The following ZMIZ1 variants were observed in gnomAD, a reference collection of about 807,000 sequenced individuals.
ZMIZ1 encodes the protein zinc finger MIZ-type containing 1.
A neutral mutation model predicts 113.9 loss-of-function variants in ZMIZ1; 17 were observed. That is an observed-to-expected ratio of 0.15 (90% CI 0.10 to 0.22). The LOEUF (loss-of-function observed/expected upper bound fraction) is 0.22, where lower values mean the gene tolerates loss of function less well. Ranked by LOEUF, ZMIZ1 falls within the 10% of genes least tolerant of loss-of-function variation. ZMIZ1 has a pLI of 1.00. For missense variants in ZMIZ1, 1,059 were observed against 1,477.8 expected, an observed-to-expected ratio of 0.72 and a Z score of 4.65; for synonymous variants, 607 against 603.1, an observed-to-expected ratio of 1.01 and a Z score of -0.09.
chr10:79,103,725 G>T (rs1843450269), intron 1 of ZMIZ1, among the ~76,000 whole-genome samples: 2 of 152,234 alleles, frequency 1.3e-5, no homozygotes, highest in Admixed American at 1.3e-4. Flanking sequence ...CCTCCCTGGG[G>T]CTCTTTGCCA....
At chr10:79,169,316 C>T (rs982246646) in intron 4 of ZMIZ1, among the ~76,000 whole-genome samples, 8 of 152,362 alleles carry the variant, frequency 5.3e-5, no homozygotes, top group African/African-American at 1.9e-4. Flanking sequence ...GCCTCTGCCC[C>T]CAGCAATTCC....
chr10:79,310,847 G>T, intron 23 of ZMIZ1, 77 bp from the exon 24 acceptor site: 2 of 1,491,610 alleles, frequency 1.3e-6, no homozygotes, highest in Middle Eastern at 1.8e-4. Flanking sequence ...GTTGTGTTGG[G>T]TTTCATTTTC....
chr10:79,072,017 A>G (rs1318135479), intron 1 of ZMIZ1, among the ~76,000 whole-genome samples: 1 of 152,120 alleles, frequency 6.6e-6, no homozygotes, highest in Non-Finnish European at 1.5e-5. Context: ...GAGTGGATTC[A>G]AGAGGTGGAT....
chr10:79,076,183 A>G (rs1205821285), intron 1 of ZMIZ1, among the ~76,000 whole-genome samples: 1 of 152,190 alleles, frequency 6.6e-6, no homozygotes, highest in Non-Finnish European at 1.5e-5. Context: ...ACTTGGTCTC[A>G]TCCAAGGTCA....
chr10:79,122,258 G>A lies in ZMIZ1; in HGVS notation c.-227+3234G>A, dbSNP rs143844422. Among the ~76,000 whole-genome samples the A allele has an allele frequency of 1.9e-3, 292 of 152,308 alleles. 2 individuals are homozygous for A. Among genetic ancestry groups the A allele is most frequent in the African/African-American group, 6.6e-3 (274 of 41,570 alleles). ...CGATGGTACCCTCCTGCCTGCAGAG[G>A]AGGGTCAGTGGTGCCAGCATCTAGC... On this transcript the variant is annotated intron_variant, in intron 2 of 24. Coordinates refer to ENST00000334512, the MANE Select transcript of ZMIZ1 (RefSeq NM_020338.4).
At chr10:79,114,509 G>GCA (rs1843925913) in intron 1 of ZMIZ1, among the ~76,000 whole-genome samples, 4 of 111,680 alleles carry the variant, frequency 3.6e-5, no homozygotes, top group Admixed American at 1.7e-4. Flanking sequence ...GTGTGTGCGT[G>GCA]TGTGTGTGTG....
chr10:79,209,456 G>A (rs1848456176), intron 6 of ZMIZ1, among the ~76,000 whole-genome samples: 1 of 152,218 alleles, frequency 6.6e-6, no homozygotes, highest in Non-Finnish European at 1.5e-5. Flanking sequence ...GACCAGGGAG[G>A]GCAGCTGCTC....
In ZMIZ1 at chr10:79,200,828, C is replaced by T. The variant is rs945957743; in HGVS notation, c.-49-756C>T. 2.4e-5 allele frequency among the ~76,000 whole-genome samples: 3 copies of T among 126,980 alleles called. No homozygotes were observed. In the East Asian group the frequency reaches 7.0e-4, roughly 30 times the overall value. The allele number at this position is 126,980 out of a possible 152,430, so 83.3% of individuals were successfully genotyped here. On this transcript the variant is annotated intron_variant, in intron 4 of 24. Transcript: ENST00000334512. ...GCAGATGCCACCTGAGATCTCCACTCAGAGCACATGTGCATGTGCATGTGC... is the reference window on the plus strand; with the variant it reads ...GCAGATGCCACCTGAGATCTCCACTTAGAGCACATGTGCATGTGCATGTGC...
chr10:79,183,574 G>A (rs1048121449), intron 4 of ZMIZ1, among the ~76,000 whole-genome samples: 1 of 152,210 alleles, frequency 6.6e-6, no homozygotes, highest in Non-Finnish European at 1.5e-5. Flanking sequence ...GAGAAAGAGT[G>A]TGTTACATGG....
At chr10:79,169,862 C>T (rs1388894601) in intron 4 of ZMIZ1, among the ~76,000 whole-genome samples, 1 of 152,240 alleles carries the variant, frequency 6.6e-6, no homozygotes, top group Non-Finnish European at 1.5e-5. Flanking sequence ...GACTGATGCC[C>T]TTGGGGAGAT....
At chr10:79,144,507 T>C (rs1845405590) in intron 3 of ZMIZ1, among the ~76,000 whole-genome samples, 1 of 152,096 alleles carries the variant, frequency 6.6e-6, no homozygotes, top group Non-Finnish European at 1.5e-5. Flanking sequence ...CCTGGCCTGT[T>C]TGTGTCCCCA....
intron 4 of ZMIZ1, among the ~76,000 whole-genome samples, chr10:79,166,059 C>G (rs964151532): frequency 6.7e-6 from 1 of 148,504 alleles, no homozygotes; most frequent in African/African-American, 2.5e-5. Context: ...TGTCCCATCT[C>G]CCCGTGGCTG....
chr10:79,243,230 G>T (rs1261009189), intron 7 of ZMIZ1, among the ~76,000 whole-genome samples: 2 of 150,874 alleles, frequency 1.3e-5, no homozygotes, highest in Admixed American at 6.6e-5. Flanking sequence ...CGCAGAGCGC[G>T]GGCCGTGGGA....
chr10:79,287,982 G>A (rs757180479), intron 8 of ZMIZ1, among the ~76,000 whole-genome samples: 8 of 152,316 alleles, frequency 5.3e-5, no homozygotes, highest in Non-Finnish European at 1.0e-4. Flanking sequence ...TCGGGTAGGA[G>A]CTGCTTTTTT....
chr10:79,176,178 T>C (rs1166741215), intron 4 of ZMIZ1, among the ~76,000 whole-genome samples: 2 of 151,966 alleles, frequency 1.3e-5, no homozygotes, highest in Non-Finnish European at 2.9e-5. Context: ...CCAGGGCCAT[T>C]TCAACTGCCT....
chr10:79,315,895 A>G lies in ZMIZ1; in HGVS notation c.*3146A>G, dbSNP rs1480442063. ...GCTTGGAACTCCATCACGTGGAAAA[A>G]CTAGATCCTGTTGGTTATAGCATTT... On this transcript the variant is annotated 3_prime_UTR_variant, in exon 25 of 25. Coordinates refer to ENST00000334512, the MANE Select transcript of ZMIZ1 (RefSeq NM_020338.4). 1 of 152,674 alleles carries G rather than the reference A, an allele frequency of 6.5e-6. No homozygotes were observed. The highest frequency in any genetic ancestry group is 1.9e-4 in the East Asian group (1 of 5,344). The allele number at this position is 152,674 out of a possible 1,614,324, so 9.5% of individuals were successfully genotyped here.
chr10:79,304,242 G>A (rs1854532508), intron 19 of ZMIZ1, 67 bp downstream of exon 19: 1 of 1,564,418 alleles, frequency 6.4e-7, no homozygotes, highest in Non-Finnish European at 8.7e-7. Context: ...GTGAGGGGTA[G>A]GCAGAGGGGC....
intron 1 of ZMIZ1, among the ~76,000 whole-genome samples, chr10:79,083,065 A>G (rs1842708435): frequency 6.6e-6 from 1 of 152,254 alleles, no homozygotes; most frequent in South Asian, 2.1e-4. Flanking sequence ...TGAATTTGAC[A>G]GGGGCCCTGC....
intron 8 of ZMIZ1, chr10:79,285,520 CT>C (rs1373481062): frequency 2.2e-6 from 1 of 455,996 alleles, no homozygotes. Flanking sequence ...CCTTCTCTCA[CT>C]TTCTGGGCCC....
Sources: gnomAD v4.1 joint callset for allele counts (sites outside exome capture counted in the v4.1 genomes callset) on GRCh38, gnomAD v4.1.1 for gene constraint, MANE v1.5 for transcripts, NCBI Gene and HGNC (gene_info 2026-07-23, HGNC 2026-07-21) for gene names.